The following UACA variants were observed in gnomAD, a reference collection of about 807,000 sequenced individuals.
The protein encoded by UACA is uveal autoantigen with coiled-coil domains and ankyrin repeats, also known as nuclear membrane binding protein.
A neutral mutation model predicts 160.5 loss-of-function variants in UACA; 112 were observed. The ratio of observed to expected loss-of-function variants is 0.70; its 90% CI spans 0.60 to 0.82. The LOEUF (loss-of-function observed/expected upper bound fraction) is 0.82. UACA is among the 40% of genes least tolerant of loss of function. The pLI is 0.00. For synonymous variants in UACA, 557 were observed against 568.4 expected (o/e 0.98, Z 0.29); for missense variants, 1,574 against 1,614.6 (o/e 0.97, Z 0.43).
chr15:70,655,092 T>C lies in UACA; in HGVS notation c.*1964A>G, dbSNP rs1176682836. On this transcript the variant is annotated 3_prime_UTR_variant, in exon 19 of 19. Transcript: ENST00000322954. Reference sequence around the variant, plus strand: ...TTAACTCGCAAATCTTTTACAAGGATGTTCAAAACAATATTCTAGAGAAAA... The same window carrying C: ...TTAACTCGCAAATCTTTTACAAGGACGTTCAAAACAATATTCTAGAGAAAA... The C allele has an allele frequency of 1.3e-5, 2 of 152,210 alleles. No individual in the cohort carries two copies. Among genetic ancestry groups the C allele is most frequent in the African/African-American group, 4.8e-5 (2 of 41,460 alleles). The allele number at this position is 152,210 out of a possible 1,614,324, so 9.4% of individuals were successfully genotyped here. A position where few individuals can be genotyped will look rare whatever the true frequency, so the allele number is the denominator to read the frequency against.
intron 1 of UACA, among the ~76,000 whole-genome samples, chr15:70,737,677 T>G (rs939957469): frequency 6.6e-6 from 1 of 152,120 alleles, no homozygotes; most frequent in African/African-American, 2.4e-5. Flanking sequence ...CACTGTACTT[T>G]AACCTGGGTG....
At position 70,682,742 on chromosome 15, in the gene UACA, T is replaced by A. The variant is rs200635803; in HGVS notation, c.822+16A>T. 2.7e-5 allele frequency: 40 copies of A among 1,502,846 alleles called. No homozygotes were observed. The African/African-American group carries it at 4.7e-4, about 18-fold the overall frequency. The allele number at this position is 1,502,846 out of a possible 1,614,324, so 93.1% of individuals were successfully genotyped here. ...TACAATACATATAATTATTTAAAATTAAAATTAATATCTACCTGTTGCAAA... is the reference window on the plus strand; with the variant it reads ...TACAATACATATAATTATTTAAAATAAAAATTAATATCTACCTGTTGCAAA... On this transcript the variant is annotated intron_variant, in intron 9 of 18. Coordinates refer to ENST00000322954, the MANE Select transcript of UACA (RefSeq NM_018003.4).
intron 2 of UACA, among the ~76,000 whole-genome samples, 182 bp from the exon 3 acceptor site, chr15:70,695,287 A>T (rs988475772): frequency 6.6e-6 from 1 of 152,124 alleles, no homozygotes; most frequent in Non-Finnish European, 1.5e-5. Flanking sequence ...TCTCATTTAC[A>T]TAAGGGGCCA....
At chr15:70,673,098 A>AAAAT (rs1046269314) in intron 13 of UACA, among the ~76,000 whole-genome samples, 9 of 152,112 alleles carry the variant, frequency 5.9e-5, no homozygotes, top group Non-Finnish European at 1.3e-4. Flanking sequence ...CTTCGTCTCA[A>AAAAT]AAATAAATAA....
chr15:70,673,925 G>A (rs1253225221), intron 13 of UACA, among the ~76,000 whole-genome samples: 1 of 152,204 alleles, frequency 6.6e-6, no homozygotes, highest in Non-Finnish European at 1.5e-5. Flanking sequence ...GCAGAGGCAT[G>A]ATCTCGGCTC....
Position 70,688,740 on chromosome 15 carries a change from G to T in UACA, c.425-920C>A, listed in dbSNP as rs533142519. ...ACAGATTACTAGATCATGAAGAACC[G>T]CTTAAAGCCAAAAAGAGAAAACTGC... On this transcript the variant is annotated intron_variant, in intron 5 of 18. Coordinates refer to ENST00000322954, the MANE Select transcript of UACA (RefSeq NM_018003.4). Among the ~76,000 whole-genome samples, 8 of 151,874 alleles carry T rather than the reference G, an allele frequency of 5.3e-5. No homozygotes were observed. In the East Asian group the frequency reaches 1.5e-3, roughly 29 times the overall value.
At chr15:70,770,501 C>T in the UACA span, among the ~76,000 whole-genome samples, 1 of 152,114 alleles carries the variant, frequency 6.6e-6, no homozygotes, top group Non-Finnish European at 1.5e-5. Flanking sequence ...TATACTTTCC[C>T]TCTTGCTGTT....
chr15:70,683,226 G>A (rs956362295), intron 8 of UACA, among the ~76,000 whole-genome samples: 2 of 151,968 alleles, frequency 1.3e-5, no homozygotes, highest in African/African-American at 2.4e-5. Context: ...GGCCATGGTG[G>A]TACATGCCTG....
intron 1 of UACA, among the ~76,000 whole-genome samples, chr15:70,742,044 A>G (rs1899554894): frequency 6.6e-6 from 1 of 152,232 alleles, no homozygotes; most frequent in Non-Finnish European, 1.5e-5. Flanking sequence ...ACAGTTCAAC[A>G]GCAGGAATGT....
intron 16 of UACA, among the ~76,000 whole-genome samples, chr15:70,666,446 C>T (rs1389952788): frequency 6.6e-6 from 1 of 152,226 alleles, no homozygotes; most frequent in Non-Finnish European, 1.5e-5. Context: ...CACAAACCCA[C>T]TGGCTTTTGA....
upstream of UACA, chr15:70,763,570 G>T (rs1055170625): frequency 7.3e-6 from 9 of 1,228,216 alleles, no homozygotes; most frequent in South Asian, 4.0e-5. Context: ...GGCCTGAGGC[G>T]GGGCTCCCCT....
At chr15:70,723,789 C>T (rs936807336) in intron 1 of UACA, among the ~76,000 whole-genome samples, 1 of 152,030 alleles carries the variant, frequency 6.6e-6, no homozygotes, top group Admixed American at 6.5e-5. Flanking sequence ...CCTGCCACCA[C>T]ACCCGGCTAA....
At position 70,654,869 on chromosome 15, in the gene UACA, A is replaced by G. The variant is rs1896439374; in HGVS notation, c.*2187T>C. 1 of 152,230 alleles carries G rather than the reference A, an allele frequency of 6.6e-6. No individual in the cohort carries two copies. Among genetic ancestry groups the G allele is most frequent in the African/African-American group, 2.4e-5 (1 of 41,464 alleles). 9.4% of individuals were successfully genotyped at this position (152,230 alleles called of 1,614,324 possible). ...TCTATGTTCCGCTTGTTTACTAATT[A>G]AAAAGCTTTGGTCTTCAGTGTTGTA... On this transcript the variant is annotated 3_prime_UTR_variant, in exon 19 of 19. Transcript: ENST00000322954.
chr15:70,770,696 C>G, the UACA span, among the ~76,000 whole-genome samples: 1 of 152,170 alleles, frequency 6.6e-6, no homozygotes, highest in Non-Finnish European at 1.5e-5. Flanking sequence ...TTCCTTTGAA[C>G]CTTAGAAGGG....
chr15:70,694,133 G>A (rs990119715), intron 3 of UACA, among the ~76,000 whole-genome samples: 1 of 152,100 alleles, frequency 6.6e-6, no homozygotes, highest in Non-Finnish European at 1.5e-5. Flanking sequence ...GTCAACTCCT[G>A]TATTTAATAG....
At chr15:70,766,697 T>C (rs970263696), upstream of UACA, among the ~76,000 whole-genome samples, 10 of 152,030 alleles carry the variant, frequency 6.6e-5, no homozygotes, top group Non-Finnish European at 1.5e-4. Context: ...AATCGTGTAG[T>C]AAGATTGCAG....
At chr15:70,774,000 A>G in the UACA span, among the ~76,000 whole-genome samples, 4,762 of 152,242 alleles carry the variant, frequency 0.031, 250 homozygotes, top group African/African-American at 0.11. Flanking sequence ...AGGATTGGCC[A>G]AAGCATTTCT....
intron 1 of UACA, among the ~76,000 whole-genome samples, chr15:70,712,633 C>T (rs1898717396): frequency 2.6e-5 from 4 of 152,174 alleles, no homozygotes; most frequent in Admixed American, 2.6e-4. Context: ...CTCCTTATAT[C>T]ATACGGAAAG....
At chr15:70,778,227 G>A in the UACA span, among the ~76,000 whole-genome samples, 1 of 152,094 alleles carries the variant, frequency 6.6e-6, no homozygotes, top group East Asian at 1.9e-4. Context: ...ATTGAGAACA[G>A]GAACCTTTTT....
Sources: gnomAD v4.1 joint callset for allele counts (sites outside exome capture counted in the v4.1 genomes callset) on GRCh38, gnomAD v4.1.1 for gene constraint, MANE v1.5 for transcripts, NCBI Gene and HGNC (gene_info 2026-07-23, HGNC 2026-07-21) for gene names.